RNF217: variants seen among roughly 807,000 people sequenced by gnomAD.
RNF217 encodes E3 ubiquitin-protein ligase RNF217.
In RNF217, 31 loss-of-function variants were observed where a neutral mutation model predicts 57.8. That is an observed-to-expected ratio of 0.54 (90% confidence interval 0.40 to 0.72). The LOEUF (loss-of-function observed/expected upper bound fraction) is 0.72. Among genes scored for constraint, RNF217 ranks in the 30% least tolerant of loss-of-function variants. The pLI is 0.00. For missense variants in RNF217, 696 were observed against 708.3 expected, an observed-to-expected ratio of 0.98 and a Z score of 0.20; for synonymous variants, 313 against 294.0, an observed-to-expected ratio of 1.06 and a Z score of -0.66.
chr6:125,083,539 G>C lies in RNF217; in HGVS notation c.*602G>C, dbSNP rs55937562. On this transcript the variant is annotated 3_prime_UTR_variant, in exon 6 of 6. Transcript: ENST00000521654. Reference sequence around the variant, plus strand: ...TATTAAGTTACTGAAGTGTATATGCGTAGGGGCGTGAATGTGTGTGTATAT... The same window carrying C: ...TATTAAGTTACTGAAGTGTATATGCCTAGGGGCGTGAATGTGTGTGTATAT... 2.0e-5 allele frequency: 3 copies of C among 152,082 alleles called. No homozygotes were observed. Among genetic ancestry groups the C allele is most frequent in the African/African-American group, 4.8e-5 (2 of 41,420 alleles). 9.4% of individuals were successfully genotyped at this position (152,082 alleles called of 1,614,324 possible). A position where few individuals can be genotyped will look rare whatever the true frequency, so the allele number is the denominator to read the frequency against.
intron 3 of RNF217, among the ~76,000 whole-genome samples, chr6:125,066,102 T>G (rs966288365): frequency 6.6e-6 from 1 of 152,174 alleles, no homozygotes; most frequent in Non-Finnish European, 1.5e-5. Flanking sequence ...GCCACTAAAA[T>G]GTATTTAGAA....
chr6:125,009,937 C>T (rs376604065), intron 1 of RNF217, among the ~76,000 whole-genome samples: 1 of 150,714 alleles, frequency 6.6e-6, no homozygotes, highest in Non-Finnish European at 1.5e-5. Context: ...TCATGCTTGT[C>T]GTTTTCTGTT....
rs929633757 is a variant in RNF217, at chr6:125,063,537, G to A, written c.1281+5431G>A. Among the ~76,000 whole-genome samples the A allele has an allele frequency of 1.3e-5, 2 of 152,064 alleles. 1 individual carries two copies. The highest frequency in any genetic ancestry group is 4.1e-4 in the South Asian group (2 of 4,830). ...TAACATGTACTGACATTTATTGCAT[G>A]TCAGTCTCCTCTGTAGTTACTATAA... On this transcript the variant is annotated intron_variant, in intron 3 of 5. Transcript: ENST00000521654.
rs753627734 is a variant in RNF217 at position 125,088,219 on chromosome 6, A to G, written c.*5282A>G. On this transcript the variant is annotated 3_prime_UTR_variant, in exon 6 of 6. Transcript: ENST00000521654. ...AATTTGATAAAACAAATAATTTTAT[A>G]GAAGCATTAAAGTATTATCAGAACA... The G allele has an allele frequency of 6.6e-6, 1 of 152,062 alleles. No homozygotes were observed. Among genetic ancestry groups the G allele is most frequent in the Non-Finnish European group, 1.5e-5 (1 of 68,000 alleles). 9.4% of individuals were successfully genotyped at this position (152,062 alleles called of 1,614,324 possible).
chr6:124,985,906 T>C (rs1784350274), intron 1 of RNF217, among the ~76,000 whole-genome samples: 1 of 152,164 alleles, frequency 6.6e-6, no homozygotes. Flanking sequence ...CTTTTTGGTA[T>C]TTCTTTGATT....
intron 1 of RNF217, among the ~76,000 whole-genome samples, chr6:124,976,275 C>G (rs35355221): frequency 8.0e-5 from 10 of 124,462 alleles, no homozygotes; most frequent in African/African-American, 3.2e-4. Context: ...CCCTCCCTCC[C>G]GCTCTCTCTC....
At chr6:125,034,437 A>G (rs1463833481) in intron 1 of RNF217, among the ~76,000 whole-genome samples, 1 of 152,172 alleles carries the variant, frequency 6.6e-6, no homozygotes, top group East Asian at 1.9e-4. Context: ...TCCCAGCACC[A>G]TTTATTAAAT....
At chr6:125,037,694 A>G (rs1786698063) in intron 1 of RNF217, among the ~76,000 whole-genome samples, 1 of 152,150 alleles carries the variant, frequency 6.6e-6, no homozygotes, top group South Asian at 2.1e-4. Flanking sequence ...CCTCAAAGTA[A>G]TTAATCCACA....
chr6:125,008,641 AG>A (rs1200925457), intron 1 of RNF217: 1 of 152,088 alleles, frequency 6.6e-6, no homozygotes, highest in Non-Finnish European at 1.5e-5. Context: ...TTGTGCATTC[AG>A]GTCAGGTCAA....
intron 3 of RNF217, among the ~76,000 whole-genome samples, chr6:125,068,142 A>G (rs1350537185): frequency 1.3e-5 from 2 of 152,260 alleles, no homozygotes; most frequent in East Asian, 3.9e-4. Context: ...GAGATAATGA[A>G]AAAGAAGTAC....
intron 1 of RNF217, among the ~76,000 whole-genome samples, chr6:125,041,457 G>A (rs1267743438): frequency 6.6e-6 from 1 of 151,966 alleles, no homozygotes; most frequent in Non-Finnish European, 1.5e-5. Context: ...TTTTACCATG[G>A]CCAACAAGGC....
chr6:125,070,319 C>T (rs753829693), intron 3 of RNF217, among the ~76,000 whole-genome samples: 27 of 152,172 alleles, frequency 1.8e-4, no homozygotes, highest in Admixed American at 4.6e-4. Flanking sequence ...TAAACATGTG[C>T]GTGCACATGT....
intron 1 of RNF217, among the ~76,000 whole-genome samples, chr6:124,971,754 G>A (rs925280018): frequency 1.3e-5 from 2 of 152,158 alleles, no homozygotes; most frequent in Non-Finnish European, 2.9e-5. Context: ...GCACCCGGCC[G>A]ATTTACTGTT....
At chr6:125,071,530 GTGTGTGTA>G (rs1480580204) in intron 3 of RNF217, among the ~76,000 whole-genome samples, 18 of 130,280 alleles carry the variant, frequency 1.4e-4, no homozygotes, top group African/African-American at 3.8e-4. Context: ...GTGTGTGTGT[GTGTGTGTA>G]TATCTTATTA....
chr6:124,993,769 G>T (rs1449286312), intron 1 of RNF217, among the ~76,000 whole-genome samples: 2 of 152,136 alleles, frequency 1.3e-5, no homozygotes, highest in Non-Finnish European at 2.9e-5. Flanking sequence ...AGATCTAAGG[G>T]TAAGTAGGAG....
chr6:124,981,114 G>A (rs1784144709), intron 1 of RNF217, among the ~76,000 whole-genome samples: 1 of 152,080 alleles, frequency 6.6e-6, no homozygotes, highest in African/African-American at 2.4e-5. Context: ...ACACTATATG[G>A]TGCTTAAGAA....
chr6:124,963,254 C>A lies in RNF217; in HGVS notation c.710C>A (p.Pro237His), dbSNP rs1295060909. 1 of 1,536,102 alleles carries A rather than the reference C, an allele frequency of 6.5e-7. No homozygotes were observed. Among genetic ancestry groups the A allele is most frequent in the East Asian group, 2.4e-5 (1 of 40,882 alleles). Reference sequence around the variant, plus strand: ...CTGGCGCCCGAGCCGTTCTCCATGCCCAGCCTGTTGGGAGCTCCACCCTAC... The same window carrying A: ...CTGGCGCCCGAGCCGTTCTCCATGCACAGCCTGTTGGGAGCTCCACCCTAC... Reference protein sequence around the residue: ...FYLAPEPFSMPSLLGAPPYSG... With the variant: ...FYLAPEPFSMHSLLGAPPYSG... The change falls in exon 1 of 6, where the codon CCC (proline) becomes CAC (histidine). Residue 237 changes from proline (P) to histidine (H), a missense_variant. Coordinates refer to ENST00000521654, the MANE Select transcript of RNF217 (RefSeq NM_001286398.3).
chr6:125,009,185 G>T, intron 1 of RNF217: 1 of 1,559,724 alleles, frequency 6.4e-7, no homozygotes, highest in Non-Finnish European at 8.7e-7. Context: ...TCCATTGCCA[G>T]CACTTGAGTA....
At chr6:125,061,811 A>T (rs1032645760) in intron 3 of RNF217, among the ~76,000 whole-genome samples, 3 of 151,834 alleles carry the variant, frequency 2.0e-5, no homozygotes, top group Non-Finnish European at 4.4e-5. Context: ...TCTGAGTTTA[A>T]AAAGTCATTC....
Sources: gnomAD v4.1 joint callset for allele counts (sites outside exome capture counted in the v4.1 genomes callset) on GRCh38, gnomAD v4.1.1 for gene constraint, MANE v1.5 for transcripts, NCBI Gene and HGNC (gene_info 2026-07-23, HGNC 2026-07-21) for gene names.